The following EBPL variants were observed in gnomAD, a reference collection of about 807,000 sequenced individuals.
EBPL encodes the protein emopamil-binding protein-like.
A neutral mutation model predicts 19.0 loss-of-function variants in EBPL; 20 were observed. The ratio of observed to expected loss-of-function variants is 1.05; its 90% confidence interval spans 0.74 to 1.53. The LOEUF is 1.53. Among genes scored for constraint, EBPL ranks in the 40% most tolerant of loss-of-function variants. The probability of loss-of-function intolerance (pLI) is 0.00; values close to 1 mark genes in which losing one functional copy is unlikely to be tolerated. For missense variants in EBPL, 219 were observed against 261.1 expected, an observed-to-expected ratio of 0.84 and a Z score of 1.11; for synonymous variants, 107 against 117.0, an observed-to-expected ratio of 0.91 and a Z score of 0.55.
intron 1 of EBPL, among the ~76,000 whole-genome samples, chr13:49,688,718 C>CAAAA (rs56059575): frequency 2.4e-4 from 23 of 95,280 alleles, no homozygotes; most frequent in East Asian, 6.1e-4. Context: ...GACTCCGTCT[C>CAAAA]AAAAAAAAAA....
At chr13:49,684,349 C>T (rs995996720) in intron 1 of EBPL, among the ~76,000 whole-genome samples, 5 of 152,196 alleles carry the variant, frequency 3.3e-5, no homozygotes. Flanking sequence ...CAACAGCTTT[C>T]ACTATAATAA....
In EBPL at chr13:49,669,734, ACCT is replaced by A. The variant is rs531042742; in HGVS notation, c.241+40_241+42del. The A allele has an allele frequency of 1.6e-3, 2,559 of 1,560,828 alleles. 10 individuals are homozygous for A. The highest frequency in any genetic ancestry group is 1.8e-3 in the Non-Finnish European group (2,057 of 1,132,032). On this transcript the variant is annotated intron_variant, in intron 2 of 3. Transcript: ENST00000242827. ...CGTTTGACAGTCACACTTGCAATAAACCTCCTCCAACATTTCAAACGCAAACGT... is the reference window on the plus strand; with the variant it reads ...CGTTTGACAGTCACACTTGCAATAAACCTCCAACATTTCAAACGCAAACGT...
At chr13:49,676,166 T>C (rs1002231383) in intron 1 of EBPL, among the ~76,000 whole-genome samples, 5 of 152,224 alleles carry the variant, frequency 3.3e-5, no homozygotes, top group African/African-American at 9.6e-5. Flanking sequence ...AAGCATTTGG[T>C]AAAGCAGAGC....
chr13:49,676,599 AT>A (rs1388589865), intron 1 of EBPL, among the ~76,000 whole-genome samples: 10 of 94,018 alleles, frequency 1.1e-4, no homozygotes, highest in East Asian at 3.8e-4. Context: ...CTCAAAAAAA[AT>A]AAAATAAATA....
intron 1 of EBPL, among the ~76,000 whole-genome samples, chr13:49,683,745 C>T (rs773041167): frequency 2.2e-4 from 33 of 152,106 alleles, no homozygotes; most frequent in Non-Finnish European, 4.1e-4. Flanking sequence ...GGAACTCGCA[C>T]ACAATGCTAG....
Position 49,666,725 on chromosome 13 carries a change from A to C in EBPL, c.241+3052T>G, listed in dbSNP as rs1196467194. ...AGACTCCGTCTCAAAAAAAAAAAAA[A>C]AAAAAAAAACAAAAATTAGCTGGGC... is the stretch of plus-strand genomic sequence containing the variant. On this transcript the variant is annotated intron_variant, in intron 2 of 3. Coordinates refer to ENST00000242827, the MANE Select transcript of EBPL (RefSeq NM_032565.5). Among the ~76,000 whole-genome samples, 5 of 150,564 alleles carry C rather than the reference A, an allele frequency of 3.3e-5. No individual in the cohort carries two copies. The East Asian group carries it at 5.8e-4, about 18-fold the overall frequency.
intron 1 of EBPL, among the ~76,000 whole-genome samples, chr13:49,670,101 G>A (rs1221131129): frequency 6.6e-6 from 1 of 152,202 alleles, no homozygotes; most frequent in Non-Finnish European, 1.5e-5. Flanking sequence ...TAAAAGCAGA[G>A]ATGTGTTCTT....
At chr13:49,689,206 A>T (rs958780560) in intron 1 of EBPL, among the ~76,000 whole-genome samples, 2 of 152,198 alleles carry the variant, frequency 1.3e-5, no homozygotes, top group Non-Finnish European at 2.9e-5. Context: ...CAGCTGGGGT[A>T]GGTAATGGCA....
At chr13:49,685,929 G>A (rs1490850265) in intron 1 of EBPL, among the ~76,000 whole-genome samples, 1 of 152,040 alleles carries the variant, frequency 6.6e-6, no homozygotes, top group Non-Finnish European at 1.5e-5. Context: ...AGGAACAGAC[G>A]GTGATGTGAA....
At chr13:49,691,170 C>T in intron 1 of EBPL, 84 bp downstream of exon 1, 1 of 1,181,040 alleles carries the variant, frequency 8.5e-7, no homozygotes, top group Non-Finnish European at 1.1e-6. Flanking sequence ...CTGCAAAAAG[C>T]CGCAGGACCC....
At chr13:49,682,577 A>T (rs945460560) in intron 1 of EBPL, among the ~76,000 whole-genome samples, 7 of 152,220 alleles carry the variant, frequency 4.6e-5, no homozygotes, top group African/African-American at 1.7e-4. Context: ...CCTGGCACTC[A>T]CTTGGGAGCT....
At position 49,660,767 on chromosome 13, in the gene EBPL, C is replaced by G. The variant is rs907627945; in HGVS notation, c.*201G>C. The G allele has an allele frequency of 3.2e-5, 15 of 471,614 alleles. No individual in the cohort carries two copies. Among genetic ancestry groups the G allele is most frequent in the Non-Finnish European group, 4.8e-5 (13 of 268,208 alleles). 29.2% of individuals were successfully genotyped at this position (471,614 alleles called of 1,614,324 possible). A position where few individuals can be genotyped will look rare whatever the true frequency, so the allele number is the denominator to read the frequency against. On this transcript the variant is annotated 3_prime_UTR_variant, in exon 4 of 4. Coordinates refer to ENST00000242827, the MANE Select transcript of EBPL (RefSeq NM_032565.5). ...TTATTATTACAAATTCAAATTTGTT[C>G]TCTTTTCCCTATATCACCATTTAAT...
In EBPL at chr13:49,681,414, C is replaced by A. The variant is rs1953941719; in HGVS notation, c.171+9840G>T. The stretch of plus-strand genomic sequence containing the variant: ...CAAGCAATTCTTCTGCCTCAGCCTC[C>A]TGAGTAGCTGAGATTACAGGCACAC... On this transcript the variant is annotated intron_variant, in intron 1 of 3. Transcript: ENST00000242827. Among the ~76,000 whole-genome samples, 3 of 152,264 alleles carry A rather than the reference C, an allele frequency of 2.0e-5. No individual in the cohort carries two copies. In the South Asian group the frequency reaches 6.2e-4, roughly 32 times the overall value.
intron 1 of EBPL, among the ~76,000 whole-genome samples, chr13:49,673,998 A>AC (rs1953849010): frequency 8.9e-6 from 1 of 112,310 alleles, no homozygotes; most frequent in Non-Finnish European, 2.2e-5. Context: ...CACACCACAC[A>AC]AAGAAACTGA....
At position 49,691,483 on chromosome 13, in the gene EBPL, A is replaced by C; in HGVS notation, c.-59T>G. 1 of 1,264,758 alleles carries C rather than the reference A, an allele frequency of 7.9e-7. No homozygotes were observed. The highest frequency in any genetic ancestry group is 1.0e-6 in the Non-Finnish European group (1 of 1,003,792). 78.3% of individuals were successfully genotyped at this position (1,264,758 alleles called of 1,614,324 possible). A position where few individuals can be genotyped will look rare whatever the true frequency, so the allele number is the denominator to read the frequency against. ...ATGCGGCAGAGGAAAGCAGGGAGAG[A>C]AACGACGGGGCGGGGCTGGCCGGGA... On this transcript the variant is annotated 5_prime_UTR_variant, in exon 1 of 4. Coordinates refer to ENST00000242827, the MANE Select transcript of EBPL (RefSeq NM_032565.5).
intron 1 of EBPL, among the ~76,000 whole-genome samples, chr13:49,680,175 G>A (rs1393548984): frequency 6.6e-6 from 1 of 152,156 alleles, no homozygotes; most frequent in Non-Finnish European, 1.5e-5. Context: ...ACGAGCCACA[G>A]GGAAGTCAAG....
intron 2 of EBPL, 103 bp from the exon 3 acceptor site, chr13:49,663,298 G>A (rs572526372): frequency 1.9e-5 from 27 of 1,417,118 alleles, no homozygotes; most frequent in East Asian, 1.1e-4. Flanking sequence ...ATGAGTAATC[G>A]CCACTCTCTC....
At chr13:49,686,741 G>T in intron 1 of EBPL, 1 of 738,494 alleles carries the variant, frequency 1.4e-6, no homozygotes, top group Non-Finnish European at 1.9e-6. Flanking sequence ...TCTCTCTTCT[G>T]CCCTGACTCT....
intron 1 of EBPL, chr13:49,686,438 C>T (rs1360178826): frequency 5.5e-6 from 7 of 1,277,052 alleles, no homozygotes; most frequent in Non-Finnish European, 7.1e-6. Flanking sequence ...ATCAATCCCA[C>T]TCTCACCATT....
Sources: gnomAD v4.1 joint callset for allele counts (sites outside exome capture counted in the v4.1 genomes callset) on GRCh38, gnomAD v4.1.1 for gene constraint, MANE v1.5 for transcripts, NCBI Gene and HGNC (gene_info 2026-07-23, HGNC 2026-07-21) for gene names.